Variants in TPD52 observed in about 807,000 individuals in gnomAD.
TPD52 encodes tumor protein D52.
A neutral mutation model predicts 31.3 loss-of-function variants in TPD52; 17 were observed. The observed-to-expected ratio is 0.54, with a 90% CI of 0.37 to 0.82. The LOEUF is 0.82. Among genes scored for constraint, TPD52 ranks in the 40% least tolerant of loss-of-function variants. The pLI is 0.00. For missense variants in TPD52, 212 were observed against 240.1 expected (o/e 0.88, Z 0.77); for synonymous variants, 83 against 89.6 (o/e 0.93, Z 0.42).
At chr8:80,031,111 C>T (rs1021860691), downstream of TPD52, among the ~76,000 whole-genome samples, 4 of 152,212 alleles carry the variant, frequency 2.6e-5, no homozygotes, top group Non-Finnish European at 5.9e-5. Flanking sequence ...AATTAGTTGT[C>T]CGTCTATCTT....
At chr8:80,127,753 G>C (rs2131064432) in intron 1 of TPD52, 1 of 148,436 alleles carries the variant, frequency 6.7e-6, no homozygotes, top group East Asian at 2.0e-4. Context: ...TCTAGAACCT[G>C]ACAAATACAG....
chr8:80,129,548 C>G (rs368675667), intron 1 of TPD52, among the ~76,000 whole-genome samples: 3 of 152,130 alleles, frequency 2.0e-5, no homozygotes, highest in Non-Finnish European at 4.4e-5. Context: ...CTCTTCTTTG[C>G]TCTTGTATTC....
chr8:80,159,821 A>C (rs974136221), intron 1 of TPD52, among the ~76,000 whole-genome samples: 1 of 152,230 alleles, frequency 6.6e-6, no homozygotes, highest in Non-Finnish European at 1.5e-5. Context: ...TTCCGATTCC[A>C]ATTTTGTTTC....
intron 1 of TPD52, among the ~76,000 whole-genome samples, chr8:80,114,898 C>T (rs1807753574): frequency 6.6e-6 from 1 of 152,162 alleles, no homozygotes; most frequent in African/African-American, 2.4e-5. Flanking sequence ...CTGCCAAGTG[C>T]CATCTTCCAT....
At chr8:80,099,609 C>G in intron 1 of TPD52, among the ~76,000 whole-genome samples, 1 of 150,696 alleles carries the variant, frequency 6.6e-6, no homozygotes, top group East Asian at 2.0e-4. Flanking sequence ...CTCCCAGGTT[C>G]AAGTGATTCT....
rs186635239 is a variant in TPD52, at chr8:80,057,395, T to G, written c.136-3965A>C. 7.2e-5 allele frequency among the ~76,000 whole-genome samples: 11 copies of G among 152,346 alleles called. No homozygotes were observed. The East Asian group carries it at 1.7e-3, about 24-fold the overall frequency. On this transcript the variant is annotated intron_variant, in intron 2 of 7. Transcript: ENST00000518937. ...AAAACACCTGCACTCATATGTTTAT[T>G]GCATCACTATTCACAATAGCAAAGA...
At chr8:80,140,658 A>C (rs1282053346) in intron 1 of TPD52, among the ~76,000 whole-genome samples, 1 of 152,142 alleles carries the variant, frequency 6.6e-6, no homozygotes, top group African/African-American at 2.4e-5. Flanking sequence ...CACACAAACA[A>C]ATACAACTCC....
chr8:80,133,530 C>T (rs1439643656), intron 1 of TPD52, among the ~76,000 whole-genome samples: 8 of 152,202 alleles, frequency 5.3e-5, no homozygotes, highest in Admixed American at 5.2e-4. Context: ...TCTCCAGTTG[C>T]CCAGGCTTAA....
chr8:80,153,301 C>T (rs575428083), intron 1 of TPD52, among the ~76,000 whole-genome samples: 73 of 152,322 alleles, frequency 4.8e-4, no homozygotes, highest in Admixed American at 1.4e-3. Context: ...ACACGGGGCC[C>T]GCACGGTGAG....
Position 80,038,088 on chromosome 8 carries a change from A to C in TPD52, c.*28T>G. Reference sequence around the variant, plus strand: ...TTGGACCTCGCTTGCAGCATCTGGCAGTGGGTAGCAGAACAAAGGTAGGAA... The same window carrying C: ...TTGGACCTCGCTTGCAGCATCTGGCCGTGGGTAGCAGAACAAAGGTAGGAA... On this transcript the variant is annotated 3_prime_UTR_variant, in exon 8 of 8. Coordinates refer to ENST00000518937, the MANE Select transcript of TPD52 (RefSeq NM_001025253.3). The C allele has an allele frequency of 6.2e-7, 1 of 1,610,806 alleles. No homozygotes were observed. The highest frequency in any genetic ancestry group is 8.5e-7 in the Non-Finnish European group (1 of 1,177,374).
chr8:80,102,948 T>C (rs1806850983), intron 1 of TPD52, among the ~76,000 whole-genome samples: 1 of 152,196 alleles, frequency 6.6e-6, no homozygotes, highest in Non-Finnish European at 1.5e-5. Flanking sequence ...AGCTTCCAGA[T>C]GGCTGAACCC....
chr8:80,171,385 T>TCCAAGC (rs1563678654), intron 1 of TPD52, 40 bp downstream of exon 1: 1 of 1,077,798 alleles, frequency 9.3e-7, no homozygotes, highest in Non-Finnish European at 1.2e-6. Flanking sequence ...CAAGCCCGAG[T>TCCAAGC]CCAAGCCCGA....
intron 1 of TPD52, chr8:80,080,609 T>C: frequency 7.2e-7 from 1 of 1,381,386 alleles, no homozygotes; most frequent in Non-Finnish European, 9.3e-7. Flanking sequence ...GGTGCCAGCA[T>C]TTCCTTTTGG....
chr8:80,104,661 ATT>A (rs144170850), intron 1 of TPD52, among the ~76,000 whole-genome samples: 3 of 142,662 alleles, frequency 2.1e-5, no homozygotes, highest in Non-Finnish European at 1.5e-5. Flanking sequence ...GAGTCTGCTG[ATT>A]TTTTTTTTTT....
At chr8:80,171,243 C>G (rs951588584) in intron 1 of TPD52, 182 bp downstream of exon 1, 1 of 775,526 alleles carries the variant, frequency 1.3e-6, no homozygotes, top group Non-Finnish European at 2.2e-6. Flanking sequence ...CCGCCAGAGC[C>G]GCTCCTTCCA....
chr8:80,084,485 T>C (rs1162894105), intron 1 of TPD52, among the ~76,000 whole-genome samples: 1 of 152,164 alleles, frequency 6.6e-6, no homozygotes, highest in Non-Finnish European at 1.5e-5. Context: ...ACCAGGCCAA[T>C]GGGCAAGAGA....
At position 80,094,467 on chromosome 8, in the gene TPD52, T is replaced by C. The variant is rs1163271141; in HGVS notation, c.20-29874A>G. On this transcript the variant is annotated intron_variant, in intron 1 of 7. Transcript: ENST00000518937. The stretch of plus-strand genomic sequence containing the variant: ...ATATATATATATATATATATATATA[T>C]ATATATATATATATATATGTATGTA... Among the ~76,000 whole-genome samples the C allele has an allele frequency of 1.5e-3, 174 of 118,862 alleles. 4 individuals are homozygous for C. Among genetic ancestry groups the C allele is most frequent in the African/African-American group, 4.7e-3 (167 of 35,364 alleles). The allele number at this position is 118,862 out of a possible 152,430, so 78.0% of individuals were successfully genotyped here.
intron 1 of TPD52, among the ~76,000 whole-genome samples, chr8:80,096,470 T>C (rs959925998): frequency 2.6e-5 from 4 of 152,110 alleles, no homozygotes; most frequent in Non-Finnish European, 5.9e-5. Flanking sequence ...CTCCACTTCA[T>C]TGCACTTCAC....
At chr8:80,038,276 A>T (rs1178822468) in intron 7 of TPD52, 41 bp from the exon 8 acceptor site, 1 of 1,606,240 alleles carries the variant, frequency 6.2e-7, no homozygotes, top group Admixed American at 1.7e-5. Flanking sequence ...ATTATGAAAC[A>T]TAAAACTAGC....
Sources: gnomAD v4.1 joint callset for allele counts (sites outside exome capture counted in the v4.1 genomes callset) on GRCh38, gnomAD v4.1.1 for gene constraint, MANE v1.5 for transcripts, NCBI Gene and HGNC (gene_info 2026-07-23, HGNC 2026-07-21) for gene names.